GRID2: variants seen among roughly 807,000 people sequenced by gnomAD.
GRID2 encodes glutamate receptor ionotropic, delta-2.
Under a neutral mutation model 114.8 loss-of-function variants are expected in GRID2, and 33 were observed. The observed-to-expected ratio is 0.29, with a 90% CI of 0.22 to 0.38. The LOEUF (loss-of-function observed/expected upper bound fraction) is 0.38. Ranked by LOEUF, GRID2 falls within the 10% of genes least tolerant of loss-of-function variation. The pLI, the probability that GRID2 is intolerant of heterozygous loss-of-function variation, is 1.00. For synonymous variants in GRID2, 505 were observed against 449.9 expected (o/e 1.12, Z -1.55); for missense variants, 1,184 against 1,257.7 (o/e 0.94, Z 0.89).
intron 14 of GRID2, among the ~76,000 whole-genome samples, chr4:93,674,721 T>C (rs6532427): frequency 0.55 from 83,476 of 151,758 alleles, 24,472 homozygotes; most frequent in African/African-American, 0.76. Context: ...ATCCAAATAA[T>C]ATCTCAGTAA....
chr4:92,466,685 C>G (rs560625783), intron 1 of GRID2, among the ~76,000 whole-genome samples: 1 of 150,802 alleles, frequency 6.6e-6, no homozygotes, highest in African/African-American at 2.4e-5. Flanking sequence ...ATTCTCCATT[C>G]TCTATATTGT....
intron 3 of GRID2, among the ~76,000 whole-genome samples, chr4:93,085,903 A>T (rs1730293640): frequency 6.6e-6 from 1 of 152,170 alleles, no homozygotes; most frequent in South Asian, 2.1e-4. Context: ...TTGTCCCTAA[A>T]TTTATCATAA....
chr4:92,991,781 A>T (rs1333672520), intron 2 of GRID2, among the ~76,000 whole-genome samples: 1 of 152,220 alleles, frequency 6.6e-6, no homozygotes, highest in African/African-American at 2.4e-5. Flanking sequence ...ACCTGCGAGT[A>T]ATTTAGGCCT....
chr4:93,385,861 C>G (rs1764265160), intron 8 of GRID2, among the ~76,000 whole-genome samples: 1 of 152,052 alleles, frequency 6.6e-6, no homozygotes, highest in Non-Finnish European at 1.5e-5. Context: ...TAAAATCTAA[C>G]CACCCATCCT....
chr4:92,322,927 A>G (rs1726391435), intron 1 of GRID2, among the ~76,000 whole-genome samples: 1 of 152,120 alleles, frequency 6.6e-6, no homozygotes, highest in Non-Finnish European at 1.5e-5. Context: ...ACTGATTTTT[A>G]AAAATCAGAA....
At chr4:92,533,474 TACATAC>T (rs1725454312) in intron 1 of GRID2, among the ~76,000 whole-genome samples, 1 of 151,672 alleles carries the variant, frequency 6.6e-6, no homozygotes, top group African/African-American at 2.4e-5. Flanking sequence ...CATACATACA[TACATAC>T]ATACACACAC....
At chr4:92,917,824 G>A (rs77301093) in intron 2 of GRID2, among the ~76,000 whole-genome samples, 51,311 of 151,984 alleles carry the variant, frequency 0.34, 9,070 homozygotes, top group Admixed American at 0.48. Flanking sequence ...GATTGACATG[G>A]CAATTCAGGC....
rs568875309 is a variant in GRID2, at chr4:92,442,974, G to C, written c.88+138230G>C. Among the ~76,000 whole-genome samples, 192 of 152,170 alleles carry C rather than the reference G, an allele frequency of 1.3e-3. 1 individual carries two copies. The highest frequency in any genetic ancestry group is 7.9e-3 in the South Asian group (38 of 4,810). On this transcript the variant is annotated intron_variant, in intron 1 of 15. Coordinates refer to ENST00000282020, the MANE Select transcript of GRID2 (RefSeq NM_001510.4). ...AAGATTATAGGGTGGAGGAGCGGAG[G>C]CTGAGGAAGAATTGGGACCTAGCTC...
chr4:93,700,057 AC>A (rs1372007014), intron 14 of GRID2, among the ~76,000 whole-genome samples: 8 of 152,162 alleles, frequency 5.3e-5, no homozygotes, highest in African/African-American at 1.4e-4. Flanking sequence ...CCCTAAAAAA[AC>A]AACAGGATCA....
At chr4:92,792,455 G>GA (rs2090156437) in intron 2 of GRID2, among the ~76,000 whole-genome samples, 4 of 96,338 alleles carry the variant, frequency 4.2e-5, no homozygotes, top group Admixed American at 3.9e-4. Flanking sequence ...GCAGGCAAGA[G>GA]AACACACACA....
intron 4 of GRID2, among the ~76,000 whole-genome samples, chr4:93,196,684 T>C (rs910022384): frequency 3.9e-5 from 6 of 152,182 alleles, no homozygotes; most frequent in African/African-American, 1.4e-4. Flanking sequence ...AGTAGACTAA[T>C]TAACTGTCTA....
intron 4 of GRID2, among the ~76,000 whole-genome samples, chr4:93,138,070 T>C (rs1005628065): frequency 2.0e-5 from 3 of 148,154 alleles, no homozygotes; most frequent in Non-Finnish European, 4.5e-5. Flanking sequence ...CCTCCCGTGC[T>C]CAAACCATCC....
chr4:93,557,490 G>A (rs954492726), intron 13 of GRID2, among the ~76,000 whole-genome samples: 1 of 152,114 alleles, frequency 6.6e-6, no homozygotes, highest in Non-Finnish European at 1.5e-5. Context: ...AAAAGACAAA[G>A]AAAGGCATTA....
At chr4:93,139,704 A>G (rs2149384732) in intron 4 of GRID2, among the ~76,000 whole-genome samples, 1 of 151,404 alleles carries the variant, frequency 6.6e-6, no homozygotes, top group South Asian at 2.1e-4. Flanking sequence ...ATTGTCTTTT[A>G]TTTCACTGAG....
intron 8 of GRID2, among the ~76,000 whole-genome samples, chr4:93,291,180 A>C (rs764576199): frequency 6.6e-5 from 10 of 151,934 alleles, no homozygotes; most frequent in Non-Finnish European, 1.5e-4. Flanking sequence ...GCCGGCATAC[A>C]AGTAATTTTT....
At chr4:92,636,120 G>T (rs902860854) in intron 2 of GRID2, among the ~76,000 whole-genome samples, 1 of 151,922 alleles carries the variant, frequency 6.6e-6, no homozygotes, top group African/African-American at 2.4e-5. Flanking sequence ...AAAATTAGTG[G>T]ATACTGATTT....
intron 2 of GRID2, among the ~76,000 whole-genome samples, chr4:93,076,623 T>C (rs1166565189): frequency 6.8e-6 from 1 of 147,968 alleles, no homozygotes; most frequent in Non-Finnish European, 1.5e-5. Context: ...TTTTTTTTTT[T>C]TTTTTTTTTT....
intron 2 of GRID2, among the ~76,000 whole-genome samples, chr4:92,923,064 T>A (rs1435216224): frequency 2.0e-5 from 3 of 152,226 alleles, no homozygotes; most frequent in African/African-American, 7.2e-5. Flanking sequence ...AAAAAGTTGT[T>A]TTAAAACTGG....
intron 1 of GRID2, among the ~76,000 whole-genome samples, chr4:92,330,508 A>G (rs140601542): frequency 6.6e-6 from 1 of 152,252 alleles, no homozygotes; most frequent in Admixed American, 6.5e-5. Flanking sequence ...ATATTTATAA[A>G]TAGAGTTGGT....
Sources: allele counts gnomAD v4.1 joint callset (sites outside exome capture counted in the v4.1 genomes callset), GRCh38; gene constraint gnomAD v4.1.1; transcripts MANE v1.5; gene names NCBI Gene and HGNC (gene_info 2026-07-23, HGNC 2026-07-21).